The following PSMD13 variants were observed in gnomAD, a reference collection of about 807,000 sequenced individuals.
PSMD13 encodes proteasome 26S subunit, non-ATPase 13.
Under a neutral mutation model 57.4 loss-of-function variants are expected in PSMD13, and 8 were observed. The ratio of observed to expected loss-of-function variants is 0.14; its 90% CI spans 0.08 to 0.25. The LOEUF (loss-of-function observed/expected upper bound fraction) is 0.25. Among genes scored for constraint, PSMD13 ranks in the 10% least tolerant of loss-of-function variants. The probability of loss-of-function intolerance (pLI) is 1.00; values close to 1 mark genes in which losing one functional copy is unlikely to be tolerated. For missense variants in PSMD13, 400 were observed against 461.5 expected (o/e 0.87, Z 1.22); for synonymous variants, 193 against 168.2 (o/e 1.15, Z -1.14).
At chr11:238,471 G>A (rs1427216219) in intron 1 of PSMD13, among the ~76,000 whole-genome samples, 1 of 152,216 alleles carries the variant, frequency 6.6e-6, no homozygotes, top group South Asian at 2.1e-4. Context: ...CTGCTACACC[G>A]TAGAGACTGG....
intron 2 of PSMD13, among the ~76,000 whole-genome samples, chr11:241,889 G>A (rs928443686): frequency 6.6e-6 from 1 of 152,108 alleles, no homozygotes; most frequent in Non-Finnish European, 1.5e-5. Context: ...ACTCTGGACA[G>A]AGACCAATCT....
chr11:238,955 C>T (rs1359971567), intron 1 of PSMD13, 43 bp from the exon 2 acceptor site: 3 of 1,548,224 alleles, frequency 1.9e-6, no homozygotes, highest in Non-Finnish European at 2.7e-6. Flanking sequence ...GTGTCTGTGA[C>T]TGGATATTAG....
At position 237,019 on chromosome 11, in the gene PSMD13, GTTC is replaced by G. The variant is rs753040887; in HGVS notation, c.-26_-24del. The G allele has an allele frequency of 2.9e-5, 46 of 1,564,324 alleles. No individual in the cohort carries two copies. Among genetic ancestry groups the G allele is most frequent in the East Asian group, 2.7e-4 (12 of 44,548 alleles). Reference sequence around the variant, plus strand: ...TCCCCGCGGTGCTGACATCCCGGTTGTTCTTCTGTGCCGGGGGTCTTCCTGCTG... The same window carrying G: ...TCCCCGCGGTGCTGACATCCCGGTTGTTCTGTGCCGGGGGTCTTCCTGCTG... On this transcript the variant is annotated 5_prime_UTR_variant, in exon 1 of 13. Coordinates refer to ENST00000532097, the MANE Select transcript of PSMD13 (RefSeq NM_002817.4).
At chr11:245,641 CGTGTGTGTGTGTGTGTGT>C (rs4029226) in intron 6 of PSMD13, among the ~76,000 whole-genome samples, 75 of 122,432 alleles carry the variant, frequency 6.1e-4, no homozygotes, top group African/African-American at 2.1e-3. Context: ...TGAACCAGAA[CGTGTGTGTGTGTGTGTGT>C]GTGTGTGTGT....
chr11:244,514 A>G (rs767543757), intron 5 of PSMD13, 45 bp downstream of exon 5: 1 of 1,570,834 alleles, frequency 6.4e-7, no homozygotes, highest in South Asian at 1.1e-5. Flanking sequence ...CTTTTAGAGT[A>G]TGTATGACTT....
chr11:250,794 A>G lies in PSMD13; in HGVS notation c.775-9A>G, dbSNP rs1196450474. 6 of 1,613,110 alleles carry G rather than the reference A, an allele frequency of 3.7e-6. No individual in the cohort carries two copies. Among genetic ancestry groups the G allele is most frequent in the Non-Finnish European group, 4.2e-6 (5 of 1,179,284 alleles). The stretch of plus-strand genomic sequence containing the variant: ...GGAAGACATTTTTCTGTCTTTCTAT[A>G]CTTTACAGCCTGATTTAGCAGCTAA... On this transcript the variant is annotated splice_polypyrimidine_tract_variant and intron_variant, in intron 9 of 12. Coordinates refer to ENST00000532097, the MANE Select transcript of PSMD13 (RefSeq NM_002817.4).
intron 6 of PSMD13, among the ~76,000 whole-genome samples, chr11:245,508 ATGT>A (rs1272206488): frequency 3.9e-5 from 6 of 152,176 alleles, no homozygotes; most frequent in African/African-American, 7.2e-5. Context: ...TGCCTCCTAA[ATGT>A]TGTTGAAGTA....
At chr11:238,869 A>ATTTTGGAG (rs774647067) in intron 1 of PSMD13, 129 bp from the exon 2 acceptor site, 22 of 906,854 alleles carry the variant, frequency 2.4e-5, no homozygotes, top group Middle Eastern at 2.2e-4. Context: ...AGCATTTTGA[A>ATTTTGGAG]TTTTGGAGTT....
Position 251,963 on chromosome 11 carries a change from C to A in PSMD13, c.1035+27C>A. The A allele has an allele frequency of 6.3e-7, 1 of 1,589,720 alleles. No individual in the cohort carries two copies. Among genetic ancestry groups the A allele is most frequent in the Non-Finnish European group, 8.6e-7 (1 of 1,159,540 alleles). ...TGATGTGTTTGAAACCCATTATTCA[C>A]CTCTGTGGATTTTGAGGGGTTGTGT... On this transcript the variant is annotated intron_variant, in intron 12 of 12. Coordinates refer to ENST00000532097, the MANE Select transcript of PSMD13 (RefSeq NM_002817.4). This position sits in a 1 kb window ranked among gnomAD's most constrained non-coding sequence, Gnocchi z 4.6.
chr11:244,539 A>G (rs1359491413), intron 5 of PSMD13, 70 bp downstream of exon 5: 2 of 1,544,304 alleles, frequency 1.3e-6, no homozygotes, highest in African/African-American at 1.4e-5. Context: ...GCTTGTGTTC[A>G]TGCTCACTGT....
intron 7 of PSMD13, chr11:248,182 T>A (rs1166155604): frequency 2.0e-5 from 3 of 152,704 alleles, no homozygotes; most frequent in Admixed American, 2.0e-4. Context: ...CTTTCAAGGA[T>A]TTGAGAGTGG....
At chr11:242,691 A>G (rs1859541968) in intron 2 of PSMD13, among the ~76,000 whole-genome samples, 1 of 152,220 alleles carries the variant, frequency 6.6e-6, no homozygotes, top group South Asian at 2.1e-4. Context: ...AAATGATGCA[A>G]ACGAAAAGCT....
At position 251,667 on chromosome 11, in the gene PSMD13, C is replaced by T; in HGVS notation, c.918+41C>T. 1 of 1,579,888 alleles carries T rather than the reference C, an allele frequency of 6.3e-7. No homozygotes were observed. Among genetic ancestry groups the T allele is most frequent in the African/African-American group, 1.4e-5 (1 of 74,060 alleles). On this transcript the variant is annotated intron_variant, in intron 11 of 12. Transcript: ENST00000532097. The surrounding 1 kb of genome is among the most constrained non-coding windows in gnomAD (Gnocchi z 4.6). ...TCAGGGTGTTAGAGCAGCAAAGCTG[C>T]CACATGGAGGAGTCAAGGCTCTTGT... is the stretch of plus-strand genomic sequence containing the variant.
At chr11:244,264 A>C in intron 4 of PSMD13, 48 bp downstream of exon 4, 4 of 1,595,216 alleles carry the variant, frequency 2.5e-6, no homozygotes, top group Non-Finnish European at 3.4e-6. Flanking sequence ...ATGGTGGTTA[A>C]AATTGAAATA....
At chr11:249,136 C>A in intron 9 of PSMD13, 79 bp downstream of exon 9, 2 of 1,570,414 alleles carry the variant, frequency 1.3e-6, no homozygotes, top group Non-Finnish European at 1.7e-6. Context: ...TGAGCGTCTT[C>A]CCTAGGCACA....
Sources: allele counts gnomAD v4.1 joint callset (sites outside exome capture counted in the v4.1 genomes callset), GRCh38; gene constraint gnomAD v4.1.1; non-coding constraint Gnocchi (gnomAD v3.1); transcripts MANE v1.5; gene names NCBI Gene and HGNC (gene_info 2026-07-23, HGNC 2026-07-21).